Variants in SORCS3 observed in about 807,000 individuals in gnomAD.
SORCS3 encodes the protein sortilin related VPS10 domain containing receptor 3, also known as VPS10 domain-containing receptor SorCS3.
In SORCS3, 57 loss-of-function variants were observed where a neutral mutation model predicts 146.3. That is an observed-to-expected ratio of 0.39 (90% CI 0.31 to 0.49). The LOEUF is 0.49. Ranked by LOEUF, SORCS3 falls within the 20% of genes least tolerant of loss-of-function variation. The pLI is 0.92. For missense variants in SORCS3, 1,341 were observed against 1,575.5 expected (o/e 0.85, Z 2.52); for synonymous variants, 653 against 618.5 (o/e 1.06, Z -0.83).
rs867046598 is a variant in SORCS3, at chr10:104,794,643, G to A, written c.628-48149G>A. On this transcript the variant is annotated intron_variant, in intron 1 of 26. Transcript: ENST00000369701. ...GGAGGGAGAGAGAGAGAGAGAGAGA[G>A]AGAGAGAGAGAGAGAGAATATTATC... 4.0e-3 allele frequency among the ~76,000 whole-genome samples: 610 copies of A among 151,536 alleles called. 6 individuals are homozygous for A. Among genetic ancestry groups the A allele is most frequent in the Middle Eastern group, 0.01 (3 of 294 alleles).
At chr10:104,708,713 C>A (rs777359362) in intron 1 of SORCS3, among the ~76,000 whole-genome samples, 3 of 152,164 alleles carry the variant, frequency 2.0e-5, no homozygotes, top group Non-Finnish European at 4.4e-5. Context: ...TGGCCTCTGG[C>A]ATTAACTTGG....
chr10:104,987,934 C>T (rs962969518), intron 4 of SORCS3, among the ~76,000 whole-genome samples: 3 of 152,118 alleles, frequency 2.0e-5, no homozygotes, highest in African/African-American at 7.2e-5. Context: ...TCTTACATGC[C>T]CCATGTTACT....
chr10:105,245,519 A>G, intron 20 of SORCS3, 23 bp from the exon 21 acceptor site: 1 of 1,613,578 alleles, frequency 6.2e-7, no homozygotes, highest in African/African-American at 1.3e-5. Flanking sequence ...AGACTGAATG[A>G]GTATTGTTAC....
At chr10:105,123,812 T>C (rs1277581083) in intron 7 of SORCS3, among the ~76,000 whole-genome samples, 2 of 152,210 alleles carry the variant, frequency 1.3e-5, no homozygotes, top group African/African-American at 4.8e-5. Context: ...CTTGAGCTAC[T>C]GCTATCCAGA....
intron 6 of SORCS3, among the ~76,000 whole-genome samples, chr10:105,101,870 A>G (rs1206042624): frequency 2.6e-5 from 4 of 152,196 alleles, no homozygotes. Context: ...TGGTTTCTTT[A>G]CATGTTTTTA....
chr10:105,129,737 G>A lies in SORCS3; in HGVS notation c.1213-9660G>A, dbSNP rs554434166. On this transcript the variant is annotated intron_variant, in intron 7 of 26. Coordinates refer to ENST00000369701, the MANE Select transcript of SORCS3 (RefSeq NM_014978.3). ...GGACTTCCATTTTGAAAGCTCAGGT[G>A]AGCATCCTAAGAACTTCTTCCCCTC... Among the ~76,000 whole-genome samples the A allele has an allele frequency of 1.6e-4, 24 of 151,956 alleles. 1 individual carries two copies. The South Asian group carries it at 5.0e-3, about 32-fold the overall frequency.
At chr10:105,151,006 A>G in intron 9 of SORCS3, among the ~76,000 whole-genome samples, 1 of 152,174 alleles carries the variant, frequency 6.6e-6, no homozygotes, top group East Asian at 1.9e-4. Flanking sequence ...GCACACTTTT[A>G]TGGAGTGTAT....
chr10:104,865,930 G>A (rs578021258), intron 2 of SORCS3, among the ~76,000 whole-genome samples: 2 of 152,166 alleles, frequency 1.3e-5, no homozygotes, highest in South Asian at 2.1e-4. Flanking sequence ...AGTCTTCATG[G>A]GAAGGAGGCA....
intron 20 of SORCS3, among the ~76,000 whole-genome samples, chr10:105,245,066 CAAAAAA>C (rs3043042): frequency 1.0e-5 from 1 of 99,788 alleles, no homozygotes; most frequent in Non-Finnish European, 1.9e-5. Flanking sequence ...AAGACTCTGT[CAAAAAA>C]AAAAAAAAAA....
chr10:105,105,362 T>C (rs765567435), intron 6 of SORCS3, 35 bp from the exon 7 acceptor site: 8 of 1,436,252 alleles, frequency 5.6e-6, no homozygotes, highest in Non-Finnish European at 7.8e-6. Context: ...TGATTTTCAC[T>C]TGTATCTAAG....
intron 14 of SORCS3, among the ~76,000 whole-genome samples, chr10:105,183,125 C>T (rs1404823180): frequency 1.3e-5 from 2 of 152,132 alleles, no homozygotes; most frequent in Non-Finnish European, 2.9e-5. Flanking sequence ...GTGGGTGGAA[C>T]AGTGTGAGCA....
chr10:105,021,126 G>T (rs549847573), intron 4 of SORCS3, among the ~76,000 whole-genome samples: 1 of 152,100 alleles, frequency 6.6e-6, no homozygotes, highest in Non-Finnish European at 1.5e-5. Flanking sequence ...AGTTTGTTTT[G>T]TGCTACTATG....
At chr10:105,241,795 C>T (rs1295223081) in intron 20 of SORCS3, among the ~76,000 whole-genome samples, 4 of 152,154 alleles carry the variant, frequency 2.6e-5, no homozygotes, top group South Asian at 4.1e-4. Flanking sequence ...TTTATAGGCA[C>T]AGGATGGGGA....
chr10:104,752,493 G>A (rs2017000479), intron 1 of SORCS3, among the ~76,000 whole-genome samples: 1 of 152,136 alleles, frequency 6.6e-6, no homozygotes. Flanking sequence ...AAGAGTGGAA[G>A]GACTTCAAGG....
intron 19 of SORCS3, among the ~76,000 whole-genome samples, chr10:105,219,275 G>T (rs565776561): frequency 3.3e-5 from 5 of 152,164 alleles, no homozygotes; most frequent in Non-Finnish European, 5.9e-5. Context: ...AAGCTTCCAT[G>T]AGTTTTCTCC....
intron 1 of SORCS3, among the ~76,000 whole-genome samples, chr10:104,646,531 G>A (rs1313470880): frequency 6.6e-6 from 1 of 152,182 alleles, no homozygotes; most frequent in Non-Finnish European, 1.5e-5. Context: ...GCAGAGAGGT[G>A]CAACAAAGCA....
chr10:104,726,359 T>C (rs1589474893), intron 1 of SORCS3, among the ~76,000 whole-genome samples: 1 of 152,202 alleles, frequency 6.6e-6, no homozygotes, highest in East Asian at 1.9e-4. Flanking sequence ...TAAATGGTTT[T>C]ACACTTTATT....
Position 105,201,116 on chromosome 10 carries a change from T to C in SORCS3, c.2128-4T>C, listed in dbSNP as rs2056571906. 1 of 1,611,630 alleles carries C rather than the reference T, an allele frequency of 6.2e-7. No homozygotes were observed. The highest frequency in any genetic ancestry group is 1.3e-5 in the African/African-American group (1 of 74,926). On this transcript the variant is annotated splice_polypyrimidine_tract_variant and splice_region_variant and intron_variant, in intron 15 of 26. Coordinates refer to ENST00000369701, the MANE Select transcript of SORCS3 (RefSeq NM_014978.3). ...TCTCTCACACTATGGAATTTCTCTC[T>C]AAGGGAGAGCCTTGTGTCATGGGAG...
At chr10:104,677,240 G>C (rs1268997169) in intron 1 of SORCS3, among the ~76,000 whole-genome samples, 1 of 152,212 alleles carries the variant, frequency 6.6e-6, no homozygotes, top group Middle Eastern at 3.2e-3. Flanking sequence ...GTTTGGGAGA[G>C]AGGCTGCTCC....
Sources: gnomAD v4.1 joint callset for allele counts (sites outside exome capture counted in the v4.1 genomes callset) on GRCh38, gnomAD v4.1.1 for gene constraint, MANE v1.5 for transcripts, NCBI Gene and HGNC (gene_info 2026-07-23, HGNC 2026-07-21) for gene names.